The following MEGF10 variants were observed in gnomAD, a reference collection of about 807,000 sequenced individuals.
MEGF10 encodes multiple epidermal growth factor-like domains protein 10.
A neutral mutation model predicts 147.5 loss-of-function variants in MEGF10; 86 were observed. The observed-to-expected ratio is 0.58, with a 90% confidence interval of 0.49 to 0.70. MEGF10 has a LOEUF of 0.70. Among genes scored for constraint, MEGF10 ranks in the 30% least tolerant of loss-of-function variants. The pLI, the probability that MEGF10 is intolerant of heterozygous loss-of-function variation, is 0.00. For synonymous variants in MEGF10, 478 were observed against 525.5 expected, an observed-to-expected ratio of 0.91 and a Z score of 1.24; for missense variants, 1,329 against 1,487.3, an observed-to-expected ratio of 0.89 and a Z score of 1.75.
intron 6 of MEGF10, 133 bp downstream of exon 6, chr5:127,396,911 G>A: frequency 7.5e-7 from 1 of 1,334,924 alleles, no homozygotes; most frequent in Non-Finnish European, 1.0e-6. Flanking sequence ...TAGGCTGCAG[G>A]CACAGTTATA....
chr5:127,411,198 C>T (rs892203713), intron 9 of MEGF10, among the ~76,000 whole-genome samples: 13 of 152,154 alleles, frequency 8.5e-5, no homozygotes, highest in Non-Finnish European at 1.8e-4. Flanking sequence ...AACAGGAAAC[C>T]ACGATCCTAC....
intron 13 of MEGF10, among the ~76,000 whole-genome samples, chr5:127,432,393 C>T (rs1258987527): frequency 1.3e-5 from 2 of 152,190 alleles, no homozygotes; most frequent in Admixed American, 1.3e-4. Flanking sequence ...CATCGTGGTA[C>T]TGGGTGGTTG....
At chr5:127,448,330 G>A (rs949189373) in intron 21 of MEGF10, among the ~76,000 whole-genome samples, 6 of 152,122 alleles carry the variant, frequency 3.9e-5, no homozygotes, top group Admixed American at 3.3e-4. Context: ...TGATTATTAT[G>A]CCGATTTTAC....
intron 8 of MEGF10, among the ~76,000 whole-genome samples, chr5:127,403,111 T>A (rs769469200): frequency 6.6e-6 from 1 of 152,162 alleles, no homozygotes; most frequent in Non-Finnish European, 1.5e-5. Flanking sequence ...ATCATTATAT[T>A]GTGTGGTGGC....
chr5:127,259,168 G>C, the MEGF10 span, among the ~76,000 whole-genome samples: 1 of 152,160 alleles, frequency 6.6e-6, no homozygotes, highest in Non-Finnish European at 1.5e-5. Flanking sequence ...CCATGATGCA[G>C]GATTGGTAAA....
the MEGF10 span, among the ~76,000 whole-genome samples, chr5:127,239,637 A>C: frequency 6.6e-6 from 1 of 151,996 alleles, no homozygotes; most frequent in South Asian, 2.1e-4. Flanking sequence ...ATTTAAAAAT[A>C]TATCTGGGAG....
intron 1 of MEGF10, among the ~76,000 whole-genome samples, chr5:127,317,314 C>T (rs1271472325): frequency 6.6e-6 from 1 of 152,148 alleles, no homozygotes; most frequent in East Asian, 1.9e-4. Context: ...TGCAGAAGCT[C>T]TTTAGTTTAA....
chr5:127,229,991 C>A, the MEGF10 span, among the ~76,000 whole-genome samples: 23 of 152,142 alleles, frequency 1.5e-4, no homozygotes, highest in Non-Finnish European at 2.9e-5. Context: ...AAAAGAGAGG[C>A]ATCAATAAGA....
In MEGF10 at chr5:127,417,628, T is replaced by C. The variant is rs1018954911; in HGVS notation, c.1131-10T>C. 3 of 1,614,152 alleles carry C rather than the reference T, an allele frequency of 1.9e-6. No homozygotes were observed. The highest frequency in any genetic ancestry group is 2.5e-6 in the Non-Finnish European group (3 of 1,179,980). On this transcript the variant is annotated splice_polypyrimidine_tract_variant and intron_variant, in intron 9 of 24. Transcript: ENST00000503335. ...CAAAGTGACTTATTCCTTTCATCCA[T>C]GTCTCTCAGCTGTCACCCCATGTCT...
At chr5:127,343,064 A>G (rs1335429470) in intron 4 of MEGF10, among the ~76,000 whole-genome samples, 1 of 152,016 alleles carries the variant, frequency 6.6e-6, no homozygotes, top group African/African-American at 2.4e-5. Context: ...GGCACAAGTG[A>G]GGCAAGCTTG....
At chr5:127,235,732 T>A in the MEGF10 span, among the ~76,000 whole-genome samples, 1 of 152,234 alleles carries the variant, frequency 6.6e-6, no homozygotes, top group African/African-American at 2.4e-5. Flanking sequence ...TGGAAATCTG[T>A]CTCCATACAA....
chr5:127,412,356 A>G (rs983108752), intron 9 of MEGF10, among the ~76,000 whole-genome samples: 1 of 152,198 alleles, frequency 6.6e-6, no homozygotes, highest in African/African-American at 2.4e-5. Context: ...GGAGCCATCT[A>G]TCTAGTTCTT....
At chr5:127,236,603 C>T in the MEGF10 span, among the ~76,000 whole-genome samples, 1 of 152,304 alleles carries the variant, frequency 6.6e-6, no homozygotes, top group Admixed American at 6.5e-5. Flanking sequence ...TTCTATTTCC[C>T]AAGGACGTCA....
At chr5:127,454,481 TC>T in intron 22 of MEGF10, 84 bp from the exon 23 acceptor site, 1 of 1,222,624 alleles carries the variant, frequency 8.2e-7, no homozygotes, top group Non-Finnish European at 1.2e-6. Flanking sequence ...CAGTGGGAGA[TC>T]CTCTTCCAGG....
At chr5:127,299,745 G>GTT (rs35796097) in intron 1 of MEGF10, among the ~76,000 whole-genome samples, 5 of 146,102 alleles carry the variant, frequency 3.4e-5, no homozygotes, top group Non-Finnish European at 4.5e-5. Flanking sequence ...TTTCCTTTTT[G>GTT]TTTTTTTTTT....
chr5:127,274,340 A>T, the MEGF10 span, among the ~76,000 whole-genome samples: 1 of 152,204 alleles, frequency 6.6e-6, no homozygotes, highest in Non-Finnish European at 1.5e-5. Context: ...CTGAAAATGG[A>T]CTAATAGATA....
chr5:127,455,133 G>A (rs965929458), intron 23 of MEGF10, among the ~76,000 whole-genome samples: 6 of 151,914 alleles, frequency 3.9e-5, no homozygotes, highest in Admixed American at 6.6e-5. Flanking sequence ...AAAACAAAAC[G>A]TAATTGATTA....
At chr5:127,276,651 T>C in the MEGF10 span, among the ~76,000 whole-genome samples, 824 of 152,358 alleles carry the variant, frequency 5.4e-3, 6 homozygotes, top group Non-Finnish European at 9.1e-3. Context: ...TTGTTTAAAA[T>C]ATATTCATTA....
At chr5:127,389,043 C>T (rs943920053) in intron 5 of MEGF10, among the ~76,000 whole-genome samples, 3 of 152,086 alleles carry the variant, frequency 2.0e-5, no homozygotes, top group Non-Finnish European at 2.9e-5. Context: ...TATACTTAAC[C>T]GAAACATATC....
Sources: allele counts gnomAD v4.1 joint callset (sites outside exome capture counted in the v4.1 genomes callset), GRCh38; gene constraint gnomAD v4.1.1; transcripts MANE v1.5; gene names NCBI Gene and HGNC (gene_info 2026-07-23, HGNC 2026-07-21).